SLC38A4: variants seen among roughly 807,000 people sequenced by gnomAD.
SLC38A4 encodes sodium-coupled neutral amino acid transporter 4.
SLC38A4 carries 20 observed loss-of-function variants against 63.1 expected under a neutral mutation model. The observed-to-expected ratio is 0.32, with a 90% CI of 0.22 to 0.46. The LOEUF is 0.46. SLC38A4 is among the 20% of genes least tolerant of loss of function. The pLI, the probability that SLC38A4 is intolerant of heterozygous loss-of-function variation, is 1.00. For missense variants in SLC38A4, 526 were observed against 663.6 expected (o/e 0.79, Z 2.28); for synonymous variants, 230 against 225.5 (o/e 1.02, Z -0.18).
chr12:46,798,775 G>A (rs928480280), intron 2 of SLC38A4, among the ~76,000 whole-genome samples: 50 of 152,040 alleles, frequency 3.3e-4, no homozygotes, highest in African/African-American at 1.1e-3. Flanking sequence ...TCTTCAGAGC[G>A]GTCCTCTGAG....
Position 46,793,149 on chromosome 12 carries a change from C to T in SLC38A4, c.-78G>A. On this transcript the variant is annotated 5_prime_UTR_variant, in exon 3 of 17. Coordinates refer to ENST00000266579, the MANE Select transcript of SLC38A4 (RefSeq NM_018018.5). ...TATACTGTACCTTCAGCTTAAGGTT[C>T]TTCCACTTTGTGTTGATGTTCAGAA... The T allele has an allele frequency of 1.0e-6, 1 of 1,004,270 alleles. No homozygotes were observed. Among genetic ancestry groups the T allele is most frequent in the Middle Eastern group, 2.1e-4 (1 of 4,836 alleles). 62.2% of individuals were successfully genotyped at this position (1,004,270 alleles called of 1,614,324 possible).
At chr12:46,767,017 A>G (rs1444960496) in intron 16 of SLC38A4, among the ~76,000 whole-genome samples, 2 of 152,068 alleles carry the variant, frequency 1.3e-5, no homozygotes, top group East Asian at 1.9e-4. Context: ...AGGTTCAACA[A>G]TGGAGTAATA....
chr12:46,812,233 TTAAA>T (rs1354944220), intron 1 of SLC38A4, among the ~76,000 whole-genome samples: 1 of 152,078 alleles, frequency 6.6e-6, no homozygotes, highest in African/African-American at 2.4e-5. Context: ...TCATATTGAC[TTAAA>T]TAGTTTTGCT....
In SLC38A4 at chr12:46,775,035, T is replaced by C. The variant is rs376069105; in HGVS notation, c.1299+14A>G. The C allele has an allele frequency of 1.9e-5, 31 of 1,609,092 alleles. No homozygotes were observed. The African/African-American group carries it at 3.9e-4, about 20-fold the overall frequency. Reference sequence around the variant, plus strand: ...GTCAAGTAGGTTTCTTTCATCAAAGTCTTATGTACTTACTGGGAAGAGGAC... The same window carrying C: ...GTCAAGTAGGTTTCTTTCATCAAAGCCTTATGTACTTACTGGGAAGAGGAC... On this transcript the variant is annotated intron_variant, in intron 14 of 16. Transcript: ENST00000266579.
Position 46,779,659 on chromosome 12 carries a change from G to A in SLC38A4, c.669C>T (p.Gly223=), listed in dbSNP as rs546231497. The A allele has an allele frequency of 1.9e-5, 31 of 1,607,620 alleles. No individual in the cohort carries two copies. The African/African-American group carries it at 3.6e-4, about 19-fold the overall frequency. Residue 223 remains glycine, a synonymous_variant, in exon 10 of 17, where the codon GGC becomes GGT. Transcript: ENST00000266579. ...LSLLKNLGYL[G]YTSGFSLTCM... ...AGGTAAGAGAAAATCCACTGGTATAGCCAAGATAACCTAGAAGTTAGAAGA... is the reference window on the plus strand; with the variant it reads ...AGGTAAGAGAAAATCCACTGGTATAACCAAGATAACCTAGAAGTTAGAAGA...
At chr12:46,783,247 AG>A (rs1938686113) in intron 7 of SLC38A4, among the ~76,000 whole-genome samples, 1 of 151,244 alleles carries the variant, frequency 6.6e-6, no homozygotes, top group Non-Finnish European at 1.5e-5. Context: ...ATAGATAGAT[AG>A]ATAGATAGAT....
At chr12:46,793,664 A>G (rs1485284411) in intron 2 of SLC38A4, among the ~76,000 whole-genome samples, 1 of 152,176 alleles carries the variant, frequency 6.6e-6, no homozygotes, top group Non-Finnish European at 1.5e-5. Context: ...AAGAATTAAC[A>G]CCACCAAATG....
At position 46,775,067 on chromosome 12, in the gene SLC38A4, C is replaced by T; in HGVS notation, c.1281G>A (p.Val427=). 1 of 1,612,452 alleles carries T rather than the reference C, an allele frequency of 6.2e-7. No individual in the cohort carries two copies. Among genetic ancestry groups the T allele is most frequent in the Non-Finnish European group, 8.5e-7 (1 of 1,178,962 alleles). ...TACTTACTGGGAAGAGGACAATGGG[C>T]ACAGTTAGTGTTACTGCCACAAGGA... is the stretch of plus-strand genomic sequence containing the variant. ...LAVLVAVTLT[V]PIVLFPIRTS... is the part of the protein sequence containing the mutation. The change falls in exon 14 of 17, where the codon GTG becomes GTA. Residue 427 remains valine, a synonymous_variant. Coordinates refer to ENST00000266579, the MANE Select transcript of SLC38A4 (RefSeq NM_018018.5).
At position 46,776,544 on chromosome 12, in the gene SLC38A4, A is replaced by T. The variant is rs567297981; in HGVS notation, c.1174+360T>A. On this transcript the variant is annotated intron_variant, in intron 13 of 16. Coordinates refer to ENST00000266579, the MANE Select transcript of SLC38A4 (RefSeq NM_018018.5). The stretch of plus-strand genomic sequence containing the variant: ...CCTGCTATTTGTGTGGCAGGTAATA[A>T]TTCCATCAAAGGAGCTTTATCACAT... Among the ~76,000 whole-genome samples the T allele has an allele frequency of 2.6e-5, 4 of 152,164 alleles. No homozygotes were observed. The East Asian group carries it at 7.8e-4, about 30-fold the overall frequency.
At chr12:46,831,505 A>G (rs1939730813) in intron 1 of SLC38A4, among the ~76,000 whole-genome samples, 1 of 152,194 alleles carries the variant, frequency 6.6e-6, no homozygotes, top group Admixed American at 6.5e-5. Flanking sequence ...TCCAGCGCGC[A>G]GCAGGCCGGG....
At chr12:46,791,641 C>T (rs1355414568) in intron 3 of SLC38A4, among the ~76,000 whole-genome samples, 1 of 152,138 alleles carries the variant, frequency 6.6e-6, no homozygotes, top group Non-Finnish European at 1.5e-5. Flanking sequence ...TGTGGGAAAT[C>T]AATTGACTTA....
chr12:46,774,544 A>C (rs1938484891), intron 14 of SLC38A4, among the ~76,000 whole-genome samples: 1 of 152,064 alleles, frequency 6.6e-6, no homozygotes, highest in Non-Finnish European at 1.5e-5. Flanking sequence ...TGTTTTTTGA[A>C]AAATTTTTTT....
intron 5 of SLC38A4, among the ~76,000 whole-genome samples, chr12:46,787,163 T>C (rs568820022): frequency 7.3e-4 from 111 of 152,290 alleles, no homozygotes; most frequent in African/African-American, 2.6e-3. Context: ...GGAATAAGGT[T>C]TGGTCACTCA....
intron 16 of SLC38A4, among the ~76,000 whole-genome samples, chr12:46,767,369 C>G (rs1938322599): frequency 6.6e-6 from 1 of 151,980 alleles, no homozygotes; most frequent in African/African-American, 2.4e-5. Flanking sequence ...ATACTTAAAC[C>G]TCCTAATCCT....
intron 1 of SLC38A4, among the ~76,000 whole-genome samples, chr12:46,814,397 A>T (rs1939395961): frequency 6.6e-6 from 1 of 152,074 alleles, no homozygotes; most frequent in East Asian, 1.9e-4. Context: ...GCCCCATGGT[A>T]CATATTTACC....
intron 1 of SLC38A4, among the ~76,000 whole-genome samples, chr12:46,809,583 G>C (rs1434993496): frequency 6.6e-6 from 1 of 152,072 alleles, no homozygotes; most frequent in Non-Finnish European, 1.5e-5. Flanking sequence ...ACAAGAGTTT[G>C]CAGTGCCCAG....
At chr12:46,785,648 G>T (rs1480066397) in intron 5 of SLC38A4, among the ~76,000 whole-genome samples, 1 of 150,200 alleles carries the variant, frequency 6.7e-6, no homozygotes, top group Non-Finnish European at 1.5e-5. Flanking sequence ...CTGTGCATTA[G>T]ATTACGAAGT....
chr12:46,830,501 T>C (rs1250295808), upstream of SLC38A4, among the ~76,000 whole-genome samples: 1 of 152,142 alleles, frequency 6.6e-6, no homozygotes, highest in African/African-American at 2.4e-5. Context: ...ACATAACACA[T>C]TTTAGCCCTA....
chr12:46,819,752 T>C (rs1384959280), intron 1 of SLC38A4, among the ~76,000 whole-genome samples: 1 of 151,946 alleles, frequency 6.6e-6, no homozygotes, highest in Non-Finnish European at 1.5e-5. Flanking sequence ...TTGGGAATGT[T>C]GAAAAATTTC....
Sources: gnomAD v4.1 joint callset for allele counts (sites outside exome capture counted in the v4.1 genomes callset) on GRCh38, gnomAD v4.1.1 for gene constraint, MANE v1.5 for transcripts, NCBI Gene and HGNC (gene_info 2026-07-23, HGNC 2026-07-21) for gene names.